ERBB4: variants seen among roughly 807,000 people sequenced by gnomAD.
ERBB4 encodes the protein receptor tyrosine-protein kinase erbB-4.
In ERBB4, 42 loss-of-function variants were observed where a neutral mutation model predicts 158.0. The observed-to-expected ratio is 0.27, with a 90% confidence interval of 0.21 to 0.34. The LOEUF (loss-of-function observed/expected upper bound fraction) is 0.34, where lower values mean the gene tolerates loss of function less well. ERBB4 is among the 10% of genes least tolerant of loss of function. The pLI, the probability that ERBB4 is intolerant of heterozygous loss-of-function variation, is 1.00. For synonymous variants in ERBB4, 583 were observed against 558.7 expected (o/e 1.04, Z -0.61); for missense variants, 1,333 against 1,624.1 (o/e 0.82, Z 3.08).
intron 1 of ERBB4, among the ~76,000 whole-genome samples, chr2:212,246,720 T>C (rs2084323529): frequency 6.6e-6 from 1 of 152,062 alleles, no homozygotes; most frequent in Non-Finnish European, 1.5e-5. Flanking sequence ...AGAAACGTGA[T>C]GCTGAGGAAT....
chr2:212,264,466 G>C (rs1452871485), intron 1 of ERBB4, among the ~76,000 whole-genome samples: 16 of 152,026 alleles, frequency 1.1e-4, no homozygotes. Flanking sequence ...GTATATTACT[G>C]GAAGAAGAAA....
intron 1 of ERBB4, among the ~76,000 whole-genome samples, chr2:212,145,932 G>A (rs961226312): frequency 1.3e-5 from 2 of 151,782 alleles, no homozygotes; most frequent in Non-Finnish European, 2.9e-5. Context: ...ACCCTTGCTC[G>A]GACCCAGTGA....
chr2:211,654,497 T>C (rs2071134268), intron 16 of ERBB4, among the ~76,000 whole-genome samples: 1 of 152,246 alleles, frequency 6.6e-6, no homozygotes, highest in Non-Finnish European at 1.5e-5. Flanking sequence ...GTAATTTTGA[T>C]ATATCAATCC....
chr2:212,194,870 G>A (rs2082376083), intron 1 of ERBB4, among the ~76,000 whole-genome samples: 1 of 151,900 alleles, frequency 6.6e-6, no homozygotes, highest in African/African-American at 2.4e-5. Flanking sequence ...AAGTTTTGGG[G>A]TTGTAGCCTC....
At chr2:211,645,649 C>G (rs2070758443) in intron 16 of ERBB4, among the ~76,000 whole-genome samples, 1 of 151,562 alleles carries the variant, frequency 6.6e-6, no homozygotes, top group African/African-American at 2.4e-5. Context: ...GTTATTCAGT[C>G]TTTGGCAACT....
rs74770763 is a variant in ERBB4, at chr2:211,379,239, G to C, written c.*4376C>G. On this transcript the variant is annotated 3_prime_UTR_variant, in exon 28 of 28. Transcript: ENST00000342788. ...AATGACACCACTCCTTTTTTTTTTT[G>C]TCTCTGCATAAGGTAATAGAACATT... is the stretch of plus-strand genomic sequence containing the variant. 9.2e-6 allele frequency: 2 copies of C among 217,126 alleles called. No homozygotes were observed. Among genetic ancestry groups the C allele is most frequent in the Admixed American group, 1.2e-4 (2 of 16,780 alleles). The allele number at this position is 217,126 out of a possible 1,614,324, so 13.4% of individuals were successfully genotyped here.
At chr2:212,400,472 A>C (rs1016980716) in intron 1 of ERBB4, among the ~76,000 whole-genome samples, 5 of 152,176 alleles carry the variant, frequency 3.3e-5, no homozygotes, top group Non-Finnish European at 5.9e-5. Flanking sequence ...ATAGAATACA[A>C]ATAACTTCAA....
At chr2:212,315,741 A>G (rs1270035451) in intron 1 of ERBB4, among the ~76,000 whole-genome samples, 3 of 151,438 alleles carry the variant, frequency 2.0e-5, no homozygotes, top group East Asian at 2.0e-4. Context: ...ACCAAATACA[A>G]TGTCAGATTC....
intron 2 of ERBB4, among the ~76,000 whole-genome samples, chr2:211,991,699 T>C (rs2082078321): frequency 6.6e-6 from 1 of 152,154 alleles, no homozygotes; most frequent in Non-Finnish European, 1.5e-5. Flanking sequence ...TAGTTGCTCA[T>C]TTAGGCTTAT....
intron 25 of ERBB4, among the ~76,000 whole-genome samples, chr2:211,413,134 CA>C (rs1405322299): frequency 2.0e-5 from 3 of 151,078 alleles, no homozygotes; most frequent in Non-Finnish European, 3.0e-5. Context: ...TGTCTTCACA[CA>C]AAAAAATGTT....
chr2:212,293,682 T>A (rs1044636244), intron 1 of ERBB4, among the ~76,000 whole-genome samples: 3 of 151,740 alleles, frequency 2.0e-5, no homozygotes, highest in Admixed American at 6.6e-5. Flanking sequence ...ACCTTGTCTC[T>A]ACTAAAATTA....
At position 211,673,269 on chromosome 2, in the gene ERBB4, T is replaced by A. The variant is rs78812564; in HGVS notation, c.1623-12A>T. 2.3e-3 allele frequency: 3,751 copies of A among 1,598,360 alleles called. 80 individuals are homozygous for A. In the African/African-American group the frequency reaches 0.044, roughly 19 times the overall value. Reference sequence around the variant, plus strand: ...ACTCCCGAAATTCACTGTGAAAACATCAGCCACATGAGGAGGTGTAAGCAA... The same window carrying A: ...ACTCCCGAAATTCACTGTGAAAACAACAGCCACATGAGGAGGTGTAAGCAA... On this transcript the variant is annotated splice_polypyrimidine_tract_variant and intron_variant, in intron 13 of 27. Transcript: ENST00000342788.
chr2:211,422,095 A>G lies in ERBB4; in HGVS notation c.2876T>C (p.Ile959Thr), dbSNP rs1337583184. 1 of 1,606,602 alleles carries G rather than the reference A, an allele frequency of 6.2e-7. No individual in the cohort carries two copies. Among genetic ancestry groups the G allele is most frequent in the South Asian group, 1.1e-5 (1 of 90,942 alleles). Reference protein sequence around the residue: ...VYMVMVKCWMIDADSRPKFKE... With the variant: ...VYMVMVKCWMTDADSRPKFKE... The stretch of plus-strand genomic sequence containing the variant: ...AAATTTAGGTCTACTGTCAGCATCA[A>G]TCATCCAACCTGGAAATTTACACAG... Residue 959 changes from isoleucine (I) to threonine (T), a missense_variant, in exon 24 of 28, where the codon ATT becomes ACT. Transcript: ENST00000342788.
intron 3 of ERBB4, among the ~76,000 whole-genome samples, chr2:211,857,913 TA>T (rs1458859934): frequency 6.6e-6 from 1 of 152,192 alleles, no homozygotes; most frequent in Non-Finnish European, 1.5e-5. Context: ...CTCACAACAA[TA>T]AATCCTCTGT....
At chr2:211,731,967 T>C (rs2074438344) in intron 5 of ERBB4, among the ~76,000 whole-genome samples, 1 of 152,154 alleles carries the variant, frequency 6.6e-6, no homozygotes, top group African/African-American at 2.4e-5. Context: ...GCCCATCTCC[T>C]ATATTCTGAC....
At chr2:211,587,729 G>GGCCAC (rs1387710995) in intron 19 of ERBB4, among the ~76,000 whole-genome samples, 1 of 152,068 alleles carries the variant, frequency 6.6e-6, no homozygotes, top group Non-Finnish European at 1.5e-5. Context: ...ATCCTCGATA[G>GGCCAC]GCCACGAGGA....
At chr2:212,135,975 C>G (rs1454435734) in intron 1 of ERBB4, among the ~76,000 whole-genome samples, 1 of 152,116 alleles carries the variant, frequency 6.6e-6, no homozygotes, top group African/African-American at 2.4e-5. Context: ...TGGTAAAATG[C>G]CAGTGGGAGC....
intron 2 of ERBB4, among the ~76,000 whole-genome samples, chr2:212,015,752 C>G (rs1403052737): frequency 1.3e-5 from 2 of 152,106 alleles, no homozygotes; most frequent in Admixed American, 1.3e-4. Flanking sequence ...TCAGCTCTCT[C>G]CATTACAGTG....
intron 1 of ERBB4, among the ~76,000 whole-genome samples, chr2:212,237,134 C>T: frequency 6.6e-6 from 1 of 152,128 alleles, no homozygotes. Flanking sequence ...CTAAACACTC[C>T]TCCTTTGGAG....
Sources: gnomAD v4.1 joint callset for allele counts (sites outside exome capture counted in the v4.1 genomes callset) on GRCh38, gnomAD v4.1.1 for gene constraint, MANE v1.5 for transcripts, NCBI Gene and HGNC (gene_info 2026-07-23, HGNC 2026-07-21) for gene names.